TRPM3: variants seen among roughly 807,000 people sequenced by gnomAD.
The protein encoded by TRPM3 is long transient receptor potential channel 3.
A neutral mutation model predicts 181.2 loss-of-function variants in TRPM3; 77 were observed. The ratio of observed to expected loss-of-function variants is 0.42; its 90% confidence interval spans 0.35 to 0.51. The LOEUF (loss-of-function observed/expected upper bound fraction) is 0.51. Among genes scored for constraint, TRPM3 ranks in the 20% least tolerant of loss-of-function variants. The pLI, the probability that TRPM3 is intolerant of heterozygous loss-of-function variation, is 0.01. For synonymous variants in TRPM3, 745 were observed against 796.4 expected (o/e 0.94, Z 1.09); for missense variants, 1,759 against 2,196.7 (o/e 0.80, Z 3.98).
chr9:70,556,662 C>T (rs1174688740), intron 22 of TRPM3, among the ~76,000 whole-genome samples: 1 of 152,126 alleles, frequency 6.6e-6, no homozygotes, highest in Non-Finnish European at 1.5e-5. Context: ...GTGGAGGTTG[C>T]AGTGAGCTGA....
chr9:70,902,413 G>C (rs557405149), intron 1 of TRPM3, among the ~76,000 whole-genome samples: 1 of 152,272 alleles, frequency 6.6e-6, no homozygotes. Flanking sequence ...GACTGAATGG[G>C]AACTGCTTAA....
At position 70,842,990 on chromosome 9, in the gene TRPM3, A is replaced by T; in HGVS notation, c.801+13T>A. 6.2e-7 allele frequency: 1 copy of T among 1,612,660 alleles called. No individual in the cohort carries two copies. Among genetic ancestry groups the T allele is most frequent in the Non-Finnish European group, 8.5e-7 (1 of 1,179,498 alleles). ...AGGAGAAGTCATGGAAAGCGACAGC[A>T]CTCAGGACTTACATCTCTTCCAATG... On this transcript the variant is annotated intron_variant, in intron 5 of 25. Transcript: ENST00000677713.
At chr9:71,281,770 T>A (rs1239006765) in intron 1 of TRPM3, among the ~76,000 whole-genome samples, 1 of 152,132 alleles carries the variant, frequency 6.6e-6, no homozygotes, top group Non-Finnish European at 1.5e-5. Context: ...ACTGTAGATA[T>A]GAAAATTGTG....
chr9:70,798,406 CATAGTTCA>C (rs1179998503), intron 6 of TRPM3, among the ~76,000 whole-genome samples: 1 of 152,176 alleles, frequency 6.6e-6, no homozygotes, highest in Non-Finnish European at 1.5e-5. Context: ...AGTCAAACTT[CATAGTTCA>C]AATATTACCA....
chr9:71,081,946 C>A (rs1290704621), intron 1 of TRPM3, among the ~76,000 whole-genome samples: 1 of 151,802 alleles, frequency 6.6e-6, no homozygotes, highest in African/African-American at 2.4e-5. Flanking sequence ...ATTTACCTAC[C>A]CACCAATCTT....
At chr9:71,379,670 T>C (rs2092750147) in intron 1 of TRPM3, among the ~76,000 whole-genome samples, 1 of 150,664 alleles carries the variant, frequency 6.6e-6, no homozygotes, top group African/African-American at 2.4e-5. Flanking sequence ...ATTGCTGGTA[T>C]ACAGAATTTT....
At chr9:70,789,579 C>A (rs991544049) in intron 6 of TRPM3, among the ~76,000 whole-genome samples, 1 of 152,080 alleles carries the variant, frequency 6.6e-6, no homozygotes, top group Non-Finnish European at 1.5e-5. Context: ...CTACCATCAC[C>A]AAAGACTTGT....
intron 1 of TRPM3, among the ~76,000 whole-genome samples, chr9:71,011,440 C>G (rs371976289): frequency 1.3e-5 from 2 of 152,024 alleles, no homozygotes; most frequent in African/African-American, 4.8e-5. Context: ...AACAAAAAAT[C>G]ATTTTTTAAA....
intron 17 of TRPM3, among the ~76,000 whole-genome samples, chr9:70,618,059 T>C (rs761106326): frequency 8.5e-5 from 13 of 152,188 alleles, no homozygotes; most frequent in Non-Finnish European, 1.3e-4. Context: ...ACTCCCCATA[T>C]TCTTTCAGTC....
chr9:70,779,677 G>C (rs759876336), intron 7 of TRPM3, among the ~76,000 whole-genome samples: 9 of 152,126 alleles, frequency 5.9e-5, no homozygotes, highest in Non-Finnish European at 1.0e-4. Context: ...TAGAATCCTA[G>C]TATTAAAAAA....
chr9:71,256,402 G>A (rs1245788140), intron 1 of TRPM3, among the ~76,000 whole-genome samples: 1 of 152,080 alleles, frequency 6.6e-6, no homozygotes, highest in Non-Finnish European at 1.5e-5. Context: ...AGGCACATAG[G>A]ATTGAAGAAC....
At chr9:71,081,386 GCTCAT>G (rs1451883132) in intron 1 of TRPM3, among the ~76,000 whole-genome samples, 1 of 152,114 alleles carries the variant, frequency 6.6e-6, no homozygotes, top group Non-Finnish European at 1.5e-5. Flanking sequence ...TTCTTAGTGT[GCTCAT>G]CTTTAAAAAA....
intron 7 of TRPM3, chr9:70,776,548 A>C: frequency 1.5e-6 from 1 of 653,832 alleles, no homozygotes; most frequent in Non-Finnish European, 2.8e-6. Flanking sequence ...GCCCTTAAAA[A>C]CTCCATGTAA....
intron 11 of TRPM3, 141 bp from the exon 12 acceptor site, chr9:70,635,402 C>T: frequency 1.7e-6 from 1 of 590,308 alleles, no homozygotes; most frequent in South Asian, 2.2e-5. Flanking sequence ...CTCAGTGTAT[C>T]TGCCTTTTCT....
At chr9:70,873,894 T>C (rs1403826840) in intron 1 of TRPM3, among the ~76,000 whole-genome samples, 4 of 152,124 alleles carry the variant, frequency 2.6e-5, no homozygotes, top group Admixed American at 1.3e-4. Context: ...CCTTCTCCTA[T>C]TTTTATCATT....
intron 1 of TRPM3, among the ~76,000 whole-genome samples, chr9:71,279,034 T>TAAAAAAAAAAAAAAAAAAAAAAAAA (rs200421016): frequency 8.4e-5 from 4 of 47,490 alleles, no homozygotes; most frequent in African/African-American, 3.1e-4. Context: ...CCTGCTTAGG[T>TAAAAAAAAAAAAAAAAAAAAAAAAA]TAAAAAAAAT....
chr9:71,430,342 A>T (rs2093936051), intron 1 of TRPM3, among the ~76,000 whole-genome samples: 1 of 152,200 alleles, frequency 6.6e-6, no homozygotes, highest in Non-Finnish European at 1.5e-5. Flanking sequence ...GAGGGTCAGC[A>T]CATTTTGCTT....
At chr9:70,896,235 C>A (rs968264341) in intron 1 of TRPM3, among the ~76,000 whole-genome samples, 2 of 152,182 alleles carry the variant, frequency 1.3e-5, no homozygotes, top group Admixed American at 6.5e-5. Flanking sequence ...AGTGGCAGAA[C>A]AGCTCAAAAA....
At position 71,050,326 on chromosome 9, in the gene TRPM3, G is replaced by T. The variant is rs183701299; in HGVS notation, c.177+70852C>A. On this transcript the variant is annotated intron_variant, in intron 1 of 25. Coordinates refer to ENST00000677713, the MANE Select transcript of TRPM3 (RefSeq NM_001366145.2). ...TTCATGTAGATCTCCGATACACCTT[G>T]GTAATAGAGAATTTAACAAATAAAT... Among the ~76,000 whole-genome samples the T allele has an allele frequency of 1.8e-3, 273 of 149,796 alleles. 1 individual carries two copies. The highest frequency in any genetic ancestry group is 6.4e-3 in the African/African-American group (261 of 40,648).
Sources: gnomAD v4.1 joint callset for allele counts (sites outside exome capture counted in the v4.1 genomes callset) on GRCh38, gnomAD v4.1.1 for gene constraint, MANE v1.5 for transcripts, NCBI Gene and HGNC (gene_info 2026-07-23, HGNC 2026-07-21) for gene names.